The following SLC25A18 variants were observed in gnomAD, a reference collection of about 807,000 sequenced individuals.
The protein encoded by SLC25A18 is solute carrier family 25 member 18.
A neutral mutation model predicts 31.1 loss-of-function variants in SLC25A18; 24 were observed. The observed-to-expected ratio is 0.77, with a 90% CI of 0.56 to 1.08. SLC25A18 has a LOEUF of 1.08. SLC25A18 is among the 50% of genes least tolerant of loss of function. The pLI, the probability that SLC25A18 is intolerant of heterozygous loss-of-function variation, is 0.00. For synonymous variants in SLC25A18, 173 were observed against 161.9 expected (o/e 1.07, Z -0.52); for missense variants, 371 against 418.5 (o/e 0.89, Z 0.99).
rs1366203595 is a variant in SLC25A18 at position 17,580,694 on chromosome 22, C to G, written c.21-343C>G. ...AGTCCGTTTGTGTGAGAACTGCACA[C>G]GTGGCTCCAGGCCTGCGGAGGAGCC... is the stretch of plus-strand genomic sequence containing the variant. On this transcript the variant is annotated intron_variant, in intron 3 of 10. Coordinates refer to ENST00000327451, the MANE Select transcript of SLC25A18 (RefSeq NM_031481.3). 1.4e-5 allele frequency: 15 copies of G among 1,065,624 alleles called. 1 individual carries two copies. The highest frequency in any genetic ancestry group is 1.7e-5 in the Non-Finnish European group (15 of 882,032). 66.0% of individuals were successfully genotyped at this position (1,065,624 alleles called of 1,614,324 possible). A position where few individuals can be genotyped will look rare whatever the true frequency, so the allele number is the denominator to read the frequency against.
intron 2 of SLC25A18, among the ~76,000 whole-genome samples, chr22:17,572,879 G>C (rs2057135057): frequency 6.6e-6 from 1 of 151,992 alleles, no homozygotes; most frequent in African/African-American, 2.4e-5. Flanking sequence ...CTGACCTCGT[G>C]ATCCGCCCGC....
At chr22:17,568,884 T>A (rs1344964663) in intron 1 of SLC25A18, among the ~76,000 whole-genome samples, 5 of 151,830 alleles carry the variant, frequency 3.3e-5, no homozygotes. Flanking sequence ...TTGATTTTTT[T>A]TATTATGGCT....
intron 2 of SLC25A18, among the ~76,000 whole-genome samples, chr22:17,572,920 C>A (rs893421850): frequency 6.6e-6 from 1 of 152,098 alleles, no homozygotes; most frequent in Non-Finnish European, 1.5e-5. Context: ...GGATTACAGG[C>A]ATGAGCCATG....
At chr22:17,578,759 G>C (rs1277427353) in intron 2 of SLC25A18, among the ~76,000 whole-genome samples, 2 of 152,198 alleles carry the variant, frequency 1.3e-5, no homozygotes, top group African/African-American at 4.8e-5. Context: ...AATTCGCCCG[G>C]TGTGGTGGCA....
intron 2 of SLC25A18, among the ~76,000 whole-genome samples, chr22:17,574,510 C>CTTTTTTTTTTTTTTTTTTTTTTT (rs57351438): frequency 7.0e-6 from 1 of 142,014 alleles, no homozygotes; most frequent in African/African-American, 2.6e-5. Context: ...CTTCCTTATT[C>CTTTTTTTTTTTTTTTTTTTTTTT]TTTTTTTTTT....
chr22:17,585,653 T>TTATTA (rs1555951977), intron 7 of SLC25A18, among the ~76,000 whole-genome samples: 14 of 129,054 alleles, frequency 1.1e-4, no homozygotes, highest in African/African-American at 4.6e-4. Flanking sequence ...TATTATTATT[T>TTATTA]TTTTTTTTTT....
intron 1 of SLC25A18, among the ~76,000 whole-genome samples, chr22:17,565,296 T>C (rs1255867474): frequency 6.6e-6 from 1 of 152,058 alleles, no homozygotes; most frequent in Non-Finnish European, 1.5e-5. Context: ...TTGGCCAGGA[T>C]GGTCTCGATC....
rs550169899 is a variant in SLC25A18, at chr22:17,569,310, C to G, written c.-263-614C>G. Among the ~76,000 whole-genome samples, 10 of 152,318 alleles carry G rather than the reference C, an allele frequency of 6.6e-5. No individual in the cohort carries two copies. In the East Asian group the frequency reaches 1.9e-3, roughly 29 times the overall value. ...GGCGTGAGCCACCGCGCCCAGCCCT[C>G]TTCTTTGCTTTTTACACTTGTAACA... On this transcript the variant is annotated intron_variant, in intron 1 of 10. Coordinates refer to ENST00000327451, the MANE Select transcript of SLC25A18 (RefSeq NM_031481.3).
intron 4 of SLC25A18, 21 bp downstream of exon 4, chr22:17,581,180 G>T (rs755737429): frequency 6.3e-7 from 1 of 1,582,500 alleles, no homozygotes; most frequent in Non-Finnish European, 8.6e-7. Flanking sequence ...GCAGGCGAGC[G>T]TGGAGGGCAG....
Position 17,590,425 on chromosome 22 carries a change from C to A in SLC25A18, c.*189C>A. ...AGCACAGCCTTCTTCCCCTTCGTGT[C>A]TACACTCGTTTTCCTTTGTGGGCAC... On this transcript the variant is annotated 3_prime_UTR_variant, in exon 11 of 11. Transcript: ENST00000327451. The A allele has an allele frequency of 1.6e-6, 1 of 625,422 alleles. No homozygotes were observed. Among genetic ancestry groups the A allele is most frequent in the Non-Finnish European group, 2.6e-6 (1 of 385,876 alleles). The allele number at this position is 625,422 out of a possible 1,614,324, so 38.7% of individuals were successfully genotyped here.
chr22:17,577,817 GATC>G (rs1055817673), intron 2 of SLC25A18, among the ~76,000 whole-genome samples: 3 of 150,844 alleles, frequency 2.0e-5, no homozygotes, highest in Non-Finnish European at 2.9e-5. Context: ...CTGACCTTGT[GATC>G]CTCCCGCCAC....
At chr22:17,576,962 C>T (rs1228040280) in intron 2 of SLC25A18, among the ~76,000 whole-genome samples, 1 of 152,154 alleles carries the variant, frequency 6.6e-6, no homozygotes, top group African/African-American at 2.4e-5. Context: ...TGGGTTCAAG[C>T]GATTCTCCTG....
intron 1 of SLC25A18, among the ~76,000 whole-genome samples, chr22:17,568,873 A>G (rs185665587): frequency 7.4e-4 from 112 of 150,972 alleles, no homozygotes; most frequent in African/African-American, 2.6e-3. Context: ...TATAAAGTAC[A>G]TTGATTTTTT....
At chr22:17,564,939 G>A (rs2056896437) in intron 1 of SLC25A18, among the ~76,000 whole-genome samples, 1 of 151,946 alleles carries the variant, frequency 6.6e-6, no homozygotes, top group African/African-American at 2.4e-5. Flanking sequence ...CCAGGTTGAT[G>A]GTGTGCACCT....
Position 17,581,081 on chromosome 22 carries a change from G to T in SLC25A18, c.65G>T (p.Gly22Val), listed in dbSNP as rs867682417. Residue 22 changes from glycine to valine, a missense_variant, in exon 4 of 11, where the codon GGG (glycine) becomes GTG (valine). Gly to Val is a moderately radical substitution (Grantham distance 109). Transcript: ENST00000327451. ...AATGGAGGTGTAGCAGGGCTCGTGG[G>T]GGTGACCTGCGTGTTCCCCATCGAC... ...LINGGVAGLV[G>V]VTCVFPIDLA... The T allele has an allele frequency of 1.3e-6, 2 of 1,564,208 alleles. No homozygotes were observed. Among genetic ancestry groups the T allele is most frequent in the East Asian group, 4.7e-5 (2 of 42,600 alleles).
chr22:17,577,513 G>A lies in SLC25A18; in HGVS notation c.-200-2232G>A, dbSNP rs1426173222. On this transcript the variant is annotated intron_variant, in intron 2 of 10. Transcript: ENST00000327451. ...GAAACAGCAGGGAATATGATTATAA[G>A]AGCAGTCACAATGTTCTCAATTATT... Among the ~76,000 whole-genome samples, 6 of 151,304 alleles carry A rather than the reference G, an allele frequency of 4.0e-5. No individual in the cohort carries two copies. The South Asian group carries it at 1.3e-3, about 32-fold the overall frequency.
At chr22:17,569,565 A>G in intron 1 of SLC25A18, 3 of 972,096 alleles carry the variant, frequency 3.1e-6, no homozygotes, top group Non-Finnish European at 3.7e-6. Flanking sequence ...TTTGCGTTGC[A>G]TTGATTTTCA....
At chr22:17,565,148 C>T (rs1409069041) in intron 1 of SLC25A18, among the ~76,000 whole-genome samples, 2 of 152,038 alleles carry the variant, frequency 1.3e-5, no homozygotes, top group Admixed American at 6.6e-5. Flanking sequence ...GGCACAATCT[C>T]GGTTCACTGT....
At chr22:17,566,636 T>G (rs1417527960) in intron 1 of SLC25A18, among the ~76,000 whole-genome samples, 3 of 152,128 alleles carry the variant, frequency 2.0e-5, no homozygotes, top group Admixed American at 6.5e-5. Flanking sequence ...GGTCTCGAAC[T>G]CCCAACCTCA....
Sources: gnomAD v4.1 joint callset for allele counts (sites outside exome capture counted in the v4.1 genomes callset) on GRCh38, gnomAD v4.1.1 for gene constraint, MANE v1.5 for transcripts, NCBI Gene and HGNC (gene_info 2026-07-23, HGNC 2026-07-21) for gene names.